PSEN1: variants seen among roughly 807,000 people sequenced by gnomAD.
The protein encoded by PSEN1 is presenilin 1.
PSEN1 carries 15 observed loss-of-function variants against 53.5 expected under a neutral mutation model. The observed-to-expected ratio is 0.28, with a 90% CI of 0.19 to 0.43. The LOEUF (loss-of-function observed/expected upper bound fraction) is 0.43. Ranked by LOEUF, PSEN1 falls within the 20% of genes least tolerant of loss-of-function variation. PSEN1 has a pLI of 1.00. For missense variants in PSEN1, 387 were observed against 571.2 expected, an observed-to-expected ratio of 0.68 and a Z score of 3.29; for synonymous variants, 208 against 209.8, an observed-to-expected ratio of 0.99 and a Z score of 0.08.
At chr14:73,157,402 G>A (rs549252467) in intron 3 of PSEN1, among the ~76,000 whole-genome samples, 1 of 152,106 alleles carries the variant, frequency 6.6e-6, no homozygotes, top group African/African-American at 2.4e-5. Context: ...ATCTCCCAAA[G>A]TGCTGGGATT....
chr14:73,200,922 A>C (rs1383640113), intron 8 of PSEN1, among the ~76,000 whole-genome samples: 1 of 151,978 alleles, frequency 6.6e-6, no homozygotes, highest in African/African-American at 2.4e-5. Context: ...GTGGTGGTGC[A>C]CACTTGTAAT....
At chr14:73,182,113 C>G (rs902583197) in intron 5 of PSEN1, among the ~76,000 whole-genome samples, 5 of 152,042 alleles carry the variant, frequency 3.3e-5, no homozygotes, top group African/African-American at 1.2e-4. Context: ...TTGTCACTGG[C>G]CTTTAGAATA....
chr14:73,200,785 T>C (rs1279908094), intron 8 of PSEN1, among the ~76,000 whole-genome samples: 2 of 152,122 alleles, frequency 1.3e-5, no homozygotes, highest in African/African-American at 4.8e-5. Flanking sequence ...GCGTGGTGGC[T>C]AACACCTGTA....
intron 5 of PSEN1, among the ~76,000 whole-genome samples, chr14:73,182,654 G>A (rs1346465624): frequency 6.6e-6 from 1 of 152,102 alleles, no homozygotes; most frequent in African/African-American, 2.4e-5. Flanking sequence ...GACCAGCTTG[G>A]CCAACATGGT....
At chr14:73,164,567 C>T (rs1897650880) in intron 3 of PSEN1, among the ~76,000 whole-genome samples, 1 of 152,076 alleles carries the variant, frequency 6.6e-6, no homozygotes, top group African/African-American at 2.4e-5. Context: ...TTTTTATCAC[C>T]ATTTTACAGA....
chr14:73,170,859 A>G lies in PSEN1; in HGVS notation c.150A>G (p.Leu50=). The change falls in exon 4 of 12, where the codon TTA becomes TTG. Residue 50 remains leucine (L), a synonymous_variant. Transcript: ENST00000324501. ...GGAGCCTTGGCCACCCTGAGCCATT[A>G]TCTAATGGACGACCCCAGGGTAACT... The part of the protein sequence containing the change: ...DRRSLGHPEP[L]SNGRPQGNSR... 1.2e-6 allele frequency: 2 copies of G among 1,614,190 alleles called. No individual in the cohort carries two copies. Among genetic ancestry groups the G allele is most frequent in the Non-Finnish European group, 8.5e-7 (1 of 1,179,998 alleles).
chr14:73,214,041 G>T (rs1371420748), intron 10 of PSEN1, among the ~76,000 whole-genome samples: 1 of 152,140 alleles, frequency 6.6e-6, no homozygotes, highest in Non-Finnish European at 1.5e-5. Context: ...AATGGTCATA[G>T]TAATATTGTT....
chr14:73,189,092 A>G (rs1463720675), intron 6 of PSEN1, among the ~76,000 whole-genome samples: 4 of 152,160 alleles, frequency 2.6e-5, no homozygotes, highest in African/African-American at 7.2e-5. Flanking sequence ...TGCCTGGCTG[A>G]GATGAAGGTT....
intron 1 of PSEN1, among the ~76,000 whole-genome samples, chr14:73,141,108 C>G (rs1896912253): frequency 6.6e-6 from 1 of 152,210 alleles, no homozygotes; most frequent in African/African-American, 2.4e-5. Flanking sequence ...TTGACCAAAG[C>G]AAGTCACATG....
At chr14:73,158,304 C>T (rs1897425857) in intron 3 of PSEN1, among the ~76,000 whole-genome samples, 1 of 151,310 alleles carries the variant, frequency 6.6e-6, no homozygotes, top group Non-Finnish European at 1.5e-5. Context: ...ATCTATCTAT[C>T]TATCTATCTA....
chr14:73,162,572 T>A (rs1897585126), intron 3 of PSEN1, among the ~76,000 whole-genome samples: 1 of 151,332 alleles, frequency 6.6e-6, no homozygotes, highest in Non-Finnish European at 1.5e-5. Flanking sequence ...GGTGGGAGGA[T>A]TGCTTGAGCC....
At chr14:73,155,330 G>T (rs1897323706) in intron 3 of PSEN1, among the ~76,000 whole-genome samples, 1 of 152,110 alleles carries the variant, frequency 6.6e-6, no homozygotes, top group Non-Finnish European at 1.5e-5. Flanking sequence ...TCTGTTAAAT[G>T]AAGTTTATAG....
intron 5 of PSEN1, among the ~76,000 whole-genome samples, chr14:73,184,938 C>A (rs1372548160): frequency 0.012 from 1,699 of 144,104 alleles, 23 homozygotes; most frequent in African/African-American, 0.042. Flanking sequence ...GGGTCGCGGC[C>A]GGGCAGAGGT....
chr14:73,141,528 C>T (rs1456157159), intron 1 of PSEN1, among the ~76,000 whole-genome samples: 3 of 152,184 alleles, frequency 2.0e-5, no homozygotes, highest in African/African-American at 2.4e-5. Flanking sequence ...CACAGTGGCT[C>T]ACGCCTGTAA....
chr14:73,181,632 A>G (rs1173458075), intron 5 of PSEN1, among the ~76,000 whole-genome samples: 1 of 152,222 alleles, frequency 6.6e-6, no homozygotes, highest in Non-Finnish European at 1.5e-5. Context: ...ATTTGGTGGC[A>G]TGAGAATATG....
chr14:73,195,761 T>C (rs214261), intron 7 of PSEN1, among the ~76,000 whole-genome samples: 114,070 of 151,984 alleles, frequency 0.75, 44,173 homozygotes, highest in African/African-American at 0.93. Flanking sequence ...ACCTCCTAGC[T>C]TCAAGCAGCC....
chr14:73,161,990 A>T (rs1297215959), intron 3 of PSEN1, among the ~76,000 whole-genome samples: 5 of 129,616 alleles, frequency 3.9e-5, no homozygotes, highest in African/African-American at 1.1e-4. Context: ...CCCCGTTTCC[A>T]CTAAAAAAAA....
At chr14:73,184,130 C>G (rs866830381) in intron 5 of PSEN1, among the ~76,000 whole-genome samples, 1 of 102,126 alleles carries the variant, frequency 9.8e-6, no homozygotes, top group South Asian at 3.6e-4. Flanking sequence ...CCCTCCCGGA[C>G]AGGGCGGCTG....
At chr14:73,151,894 A>ATATATATT (rs1566619471) in intron 3 of PSEN1, among the ~76,000 whole-genome samples, 1 of 38,952 alleles carries the variant, frequency 2.6e-5, no homozygotes. Flanking sequence ...ATATATATAT[A>ATATATATT]TTTTTTTTTT....
Sources: gnomAD v4.1 joint callset for allele counts (sites outside exome capture counted in the v4.1 genomes callset) on GRCh38, gnomAD v4.1.1 for gene constraint, MANE v1.5 for transcripts, NCBI Gene and HGNC (gene_info 2026-07-23, HGNC 2026-07-21) for gene names.